Variants in SIPA1L1 observed in about 807,000 individuals in gnomAD.
SIPA1L1 encodes the protein signal-induced proliferation-associated 1-like protein 1.
SIPA1L1 carries 26 observed loss-of-function variants against 162.7 expected under a neutral mutation model. That is an observed-to-expected ratio of 0.16 (90% CI 0.12 to 0.22). SIPA1L1 has a LOEUF of 0.22. SIPA1L1 is among the 10% of genes least tolerant of loss of function. SIPA1L1 has a pLI of 1.00. For synonymous variants in SIPA1L1, 829 were observed against 837.4 expected (o/e 0.99, Z 0.17); for missense variants, 1,874 against 2,241.0 (o/e 0.84, Z 3.31).
chr14:71,564,462 C>A (rs182580901), intron 4 of SIPA1L1, among the ~76,000 whole-genome samples: 48 of 136,944 alleles, frequency 3.5e-4, no homozygotes, highest in Non-Finnish European at 7.0e-4. Flanking sequence ...CCTTGATGTC[C>A]TGACTTCTTA....
chr14:71,518,714 G>A (rs2051993305), intron 3 of SIPA1L1, among the ~76,000 whole-genome samples: 1 of 152,136 alleles, frequency 6.6e-6, no homozygotes, highest in African/African-American at 2.4e-5. Context: ...GCTGAGGCTG[G>A]CAGATCACTT....
rs756823774 is a variant in SIPA1L1, at chr14:71,723,618, A to G, written c.4209-29A>G. 29 of 1,612,736 alleles carry G rather than the reference A, an allele frequency of 1.8e-5. No individual in the cohort carries two copies. In the Admixed American group the frequency reaches 4.2e-4, roughly 23 times the overall value. On this transcript the variant is annotated intron_variant, in intron 17 of 23. Transcript: ENST00000381232. The stretch of plus-strand genomic sequence containing the variant: ...ATAGCTGACATAATGATCCTGAGAT[A>G]CACATGTCTTTGCCCTGCTTCTCCT...
At chr14:71,579,910 C>T (rs1016962257) in intron 4 of SIPA1L1, among the ~76,000 whole-genome samples, 13 of 152,170 alleles carry the variant, frequency 8.5e-5, no homozygotes, top group East Asian at 1.9e-4. Flanking sequence ...AGCCCCTTCC[C>T]GTTTCCTACA....
chr14:71,738,097 A>T (rs2085461135), intron 22 of SIPA1L1, 144 bp from the exon 23 acceptor site: 1 of 485,864 alleles, frequency 2.1e-6, no homozygotes, highest in South Asian at 3.8e-5. Context: ...AAAAATACTC[A>T]TTGGGTCGCC....
rs141631069 is a variant in SIPA1L1 at position 71,708,063 on chromosome 14, A to G, written c.3766-1159A>G. On this transcript the variant is annotated intron_variant, in intron 16 of 23. Coordinates refer to ENST00000381232, the MANE Select transcript of SIPA1L1 (RefSeq NM_001386936.1). The stretch of plus-strand genomic sequence containing the variant: ...TTTTTTTTTGGAGAAATGTCTATTC[A>G]AATCATTTGCCCATTGTTTAATTGG... Among the ~76,000 whole-genome samples, 306 of 134,486 alleles carry G rather than the reference A, an allele frequency of 2.3e-3. 1 individual carries two copies. Among genetic ancestry groups the G allele is most frequent in the Admixed American group, 5.8e-3 (75 of 12,978 alleles). The allele number at this position is 134,486 out of a possible 152,430, so 88.2% of individuals were successfully genotyped here. A position where few individuals can be genotyped will look rare whatever the true frequency, so the allele number is the denominator to read the frequency against.
intron 5 of SIPA1L1, among the ~76,000 whole-genome samples, chr14:71,592,393 ACT>A (rs1181048721): frequency 6.6e-6 from 1 of 152,164 alleles, no homozygotes; most frequent in Non-Finnish European, 1.5e-5. Context: ...TAAACAAACA[ACT>A]CTGTCTTATA....
chr14:71,338,518 A>G (rs1297340751), intron 2 of SIPA1L1, among the ~76,000 whole-genome samples: 2 of 152,156 alleles, frequency 1.3e-5, no homozygotes, highest in African/African-American at 4.8e-5. Flanking sequence ...AAGGGCGTTC[A>G]CATGATTCAC....
rs2082349719 is a variant in SIPA1L1, at chr14:71,705,151, C to T, written c.3647-71C>T. 6.6e-6 allele frequency: 7 copies of T among 1,057,042 alleles called. No homozygotes were observed. In the South Asian group the frequency reaches 9.1e-5, roughly 14 times the overall value. The allele number at this position is 1,057,042 out of a possible 1,614,324, so 65.5% of individuals were successfully genotyped here. A position where few individuals can be genotyped will look rare whatever the true frequency, so the allele number is the denominator to read the frequency against. On this transcript the variant is annotated intron_variant, in intron 15 of 23. Transcript: ENST00000381232. Reference sequence around the variant, plus strand: ...TGAACTGAAAGATGCAATGGCAAGCCATCTTCATTTGTCACCATGTGCTTG... The same window carrying T: ...TGAACTGAAAGATGCAATGGCAAGCTATCTTCATTTGTCACCATGTGCTTG...
At chr14:71,658,175 C>T (rs959150597) in intron 8 of SIPA1L1, among the ~76,000 whole-genome samples, 158 bp from the exon 9 acceptor site, 25 of 149,234 alleles carry the variant, frequency 1.7e-4, no homozygotes, top group African/African-American at 5.9e-4. Context: ...CAAAGAGGAT[C>T]AAATACAAAA....
At chr14:71,340,526 A>C (rs182752725) in intron 2 of SIPA1L1, among the ~76,000 whole-genome samples, 1 of 152,296 alleles carries the variant, frequency 6.6e-6, no homozygotes, top group Non-Finnish European at 1.5e-5. Flanking sequence ...GAAAGGCTAA[A>C]TAACTTGTCT....
intron 2 of SIPA1L1, among the ~76,000 whole-genome samples, chr14:71,420,529 C>T (rs999161880): frequency 1.3e-5 from 2 of 152,188 alleles, no homozygotes; most frequent in African/African-American, 4.8e-5. Context: ...TAAAAATCAC[C>T]TAATTCCCAC....
intron 7 of SIPA1L1, among the ~76,000 whole-genome samples, chr14:71,636,124 ATC>A (rs1444035813): frequency 6.6e-6 from 1 of 152,248 alleles, no homozygotes; most frequent in Non-Finnish European, 1.5e-5. Context: ...TGATTTTAAC[ATC>A]TCTCCTTCAA....
At chr14:71,369,759 G>T (rs1198838947) in intron 2 of SIPA1L1, among the ~76,000 whole-genome samples, 3 of 142,622 alleles carry the variant, frequency 2.1e-5, no homozygotes, top group East Asian at 2.0e-4. Flanking sequence ...GGGCAGTATG[G>T]CCATTTTCAC....
At chr14:71,510,589 G>A (rs1333585676) in intron 2 of SIPA1L1, among the ~76,000 whole-genome samples, 1 of 152,042 alleles carries the variant, frequency 6.6e-6, no homozygotes, top group African/African-American at 2.4e-5. Flanking sequence ...GAATGTTTTT[G>A]CCCTATTGTT....
chr14:71,410,727 G>T (rs370279247), intron 2 of SIPA1L1, among the ~76,000 whole-genome samples: 3 of 152,126 alleles, frequency 2.0e-5, no homozygotes, highest in East Asian at 1.9e-4. Flanking sequence ...GGATGAAGAT[G>T]GTTCTAGTTC....
chr14:71,329,357 C>T (rs984970593), intron 2 of SIPA1L1, among the ~76,000 whole-genome samples: 4 of 151,258 alleles, frequency 2.6e-5, no homozygotes, highest in African/African-American at 9.7e-5. Flanking sequence ...TACCATTTTA[C>T]AATCTCATCA....
chr14:71,587,425 C>T, intron 4 of SIPA1L1, 146 bp from the exon 5 acceptor site: 1 of 386,922 alleles, frequency 2.6e-6, no homozygotes, highest in Non-Finnish European at 4.6e-6. Context: ...TTCTTTCAAA[C>T]CTGCTTTACT....
intron 2 of SIPA1L1, among the ~76,000 whole-genome samples, chr14:71,331,181 G>A (rs1463641876): frequency 1.3e-5 from 2 of 152,096 alleles, no homozygotes; most frequent in Non-Finnish European, 2.9e-5. Flanking sequence ...GAGTGGTCTT[G>A]GCACCCTTGC....
intron 5 of SIPA1L1, among the ~76,000 whole-genome samples, chr14:71,608,539 T>C (rs1273360027): frequency 1.3e-5 from 2 of 152,270 alleles, no homozygotes; most frequent in East Asian, 1.9e-4. Context: ...TATGCAACTT[T>C]TAAACATACT....
Sources: allele counts gnomAD v4.1 joint callset (sites outside exome capture counted in the v4.1 genomes callset), GRCh38; gene constraint gnomAD v4.1.1; transcripts MANE v1.5; gene names NCBI Gene and HGNC (gene_info 2026-07-23, HGNC 2026-07-21).